IQCJ: variants seen among roughly 807,000 people sequenced by gnomAD.
IQCJ encodes the protein IQ domain-containing protein J.
Under a neutral mutation model 11.0 loss-of-function variants are expected in IQCJ, and 9 were observed. The ratio of observed to expected loss-of-function variants is 0.82; its 90% CI spans 0.49 to 1.43. IQCJ has a LOEUF of 1.43. Ranked by LOEUF, IQCJ falls within the 40% of genes most tolerant of loss-of-function variation. The probability of loss-of-function intolerance (pLI) is 0.00; values close to 1 mark genes in which losing one functional copy is unlikely to be tolerated. For synonymous variants in IQCJ, 55 were observed against 51.3 expected, an observed-to-expected ratio of 1.07 and a Z score of -0.31; for missense variants, 146 against 133.2, an observed-to-expected ratio of 1.10 and a Z score of -0.47.
At chr3:159,228,659 C>T (rs1726004816) in intron 1 of IQCJ, among the ~76,000 whole-genome samples, 2 of 151,910 alleles carry the variant, frequency 1.3e-5, no homozygotes, top group Admixed American at 1.3e-4. Context: ...GGCGTAGTGG[C>T]GGGCGCCTGT....
intron 1 of IQCJ, among the ~76,000 whole-genome samples, chr3:159,208,572 G>T (rs1275412221): frequency 6.6e-6 from 1 of 152,172 alleles, no homozygotes; most frequent in African/African-American, 2.4e-5. Flanking sequence ...ATGGACTGAG[G>T]TCTACTCAAT....
chr3:159,086,528 A>T (rs1716787239), intron 1 of IQCJ, among the ~76,000 whole-genome samples: 2 of 152,210 alleles, frequency 1.3e-5, no homozygotes, highest in South Asian at 4.1e-4. Flanking sequence ...TTTTCACGAT[A>T]TTGATTCTTT....
At chr3:159,110,189 A>G (rs1298150919) in intron 1 of IQCJ, among the ~76,000 whole-genome samples, 2 of 152,298 alleles carry the variant, frequency 1.3e-5, no homozygotes, top group Non-Finnish European at 2.9e-5. Context: ...CTTAATAGCT[A>G]TAGGATCTTG....
At chr3:159,089,507 C>T (rs1327269925) in intron 1 of IQCJ, among the ~76,000 whole-genome samples, 2 of 151,952 alleles carry the variant, frequency 1.3e-5, no homozygotes, top group Non-Finnish European at 2.9e-5. Context: ...TAATATCCTG[C>T]AGAGTGTTTT....
intron 1 of IQCJ, among the ~76,000 whole-genome samples, chr3:159,201,635 T>TTG (rs1239241184): frequency 7.2e-6 from 1 of 138,036 alleles, no homozygotes; most frequent in East Asian, 2.1e-4. Context: ...TTCTTTTTTT[T>TTG]TTTTTTTTTT....
chr3:159,145,873 A>G (rs1720900796), intron 1 of IQCJ, among the ~76,000 whole-genome samples: 1 of 152,224 alleles, frequency 6.6e-6, no homozygotes, highest in African/African-American at 2.4e-5. Flanking sequence ...CAGAGTGATC[A>G]TAACCTGGAA....
rs147045061 is a variant in IQCJ at position 159,109,916 on chromosome 3, C to T, written c.9+40475C>T. Among the ~76,000 whole-genome samples the T allele has an allele frequency of 5.5e-3, 834 of 152,308 alleles. 6 individuals are homozygous for T. The highest frequency in any genetic ancestry group is 0.018 in the African/African-American group (753 of 41,556). Reference sequence around the variant, plus strand: ...CAAGGGTCACTAATACCTATATACACTAACGTGTGGTTTGCGTATGGAGCA... The same window carrying T: ...CAAGGGTCACTAATACCTATATACATTAACGTGTGGTTTGCGTATGGAGCA... On this transcript the variant is annotated intron_variant, in intron 1 of 3. Transcript: ENST00000397832.
At chr3:159,093,008 G>A (rs970738437) in intron 1 of IQCJ, among the ~76,000 whole-genome samples, 2 of 151,494 alleles carry the variant, frequency 1.3e-5, no homozygotes, top group Middle Eastern at 3.2e-3. Context: ...TATTTCTCAA[G>A]GTTATGATAG....
At chr3:159,236,617 T>G (rs1726608184) in intron 1 of IQCJ, among the ~76,000 whole-genome samples, 1 of 152,174 alleles carries the variant, frequency 6.6e-6, no homozygotes. Flanking sequence ...CTCCCAGTTG[T>G]CACCAGGGAG....
chr3:159,184,003 G>A (rs539032000), intron 1 of IQCJ, among the ~76,000 whole-genome samples: 14 of 151,244 alleles, frequency 9.3e-5, no homozygotes, highest in Middle Eastern at 3.4e-3. Flanking sequence ...CCACGCAGCA[G>A]CCAGAGATCT....
intron 1 of IQCJ, among the ~76,000 whole-genome samples, chr3:159,163,666 C>T (rs1487602173): frequency 6.6e-6 from 1 of 152,130 alleles, no homozygotes; most frequent in Admixed American, 6.6e-5. Context: ...TGCCCAGCCT[C>T]ATTTTTCATG....
At chr3:159,200,772 G>A (rs2108065403) in intron 1 of IQCJ, among the ~76,000 whole-genome samples, 1 of 152,278 alleles carries the variant, frequency 6.6e-6, no homozygotes, top group East Asian at 1.9e-4. Flanking sequence ...CCCTGGCATA[G>A]CAAGACTACA....
At chr3:159,157,231 C>A (rs1721573111) in intron 1 of IQCJ, among the ~76,000 whole-genome samples, 1 of 152,186 alleles carries the variant, frequency 6.6e-6, no homozygotes, top group South Asian at 2.1e-4. Context: ...GCATTCATCA[C>A]ACATCTTTGA....
chr3:159,204,187 T>C (rs1410037867), intron 1 of IQCJ, among the ~76,000 whole-genome samples: 1 of 152,254 alleles, frequency 6.6e-6, no homozygotes, highest in Non-Finnish European at 1.5e-5. Flanking sequence ...CTGTTTAATT[T>C]TATCTCACAG....
intron 1 of IQCJ, among the ~76,000 whole-genome samples, chr3:159,102,169 A>G (rs1490103203): frequency 1.3e-5 from 2 of 152,248 alleles, no homozygotes; most frequent in Non-Finnish European, 2.9e-5. Context: ...TGTCAGGCTA[A>G]TAAGATAATC....
intron 3 of IQCJ, among the ~76,000 whole-genome samples, chr3:159,253,508 C>T (rs1447323320): frequency 1.3e-5 from 2 of 151,850 alleles, no homozygotes; most frequent in Non-Finnish European, 2.9e-5. Flanking sequence ...TATTTATGAC[C>T]GTTTTCCGAG....
At chr3:159,080,147 C>T (rs1434242102) in intron 1 of IQCJ, among the ~76,000 whole-genome samples, 2 of 152,054 alleles carry the variant, frequency 1.3e-5, no homozygotes, top group Non-Finnish European at 1.5e-5. Flanking sequence ...CACAATATAT[C>T]TTAAGACAGT....
chr3:159,265,210 A>T (rs750215651), downstream of IQCJ: 1 of 1,612,682 alleles, frequency 6.2e-7, no homozygotes, highest in South Asian at 1.1e-5. Flanking sequence ...TGCTGTGATC[A>T]TCAGTTTGCC....
rs527594882 is a variant in IQCJ at position 159,242,482 on chromosome 3, T to A, written c.10-3361T>A. The stretch of plus-strand genomic sequence containing the variant: ...GTGGTTTTCCTCCTTATAGGCACAA[T>A]GGCTTTTGCACCCTGGATTTCACTA... On this transcript the variant is annotated intron_variant, in intron 1 of 3. Coordinates refer to ENST00000397832, the MANE Select transcript of IQCJ (RefSeq NM_001042706.3). Among the ~76,000 whole-genome samples, 5 of 152,098 alleles carry A rather than the reference T, an allele frequency of 3.3e-5. No individual in the cohort carries two copies. The South Asian group carries it at 1.0e-3, about 32-fold the overall frequency.
Sources: allele counts gnomAD v4.1 joint callset (sites outside exome capture counted in the v4.1 genomes callset), GRCh38; gene constraint gnomAD v4.1.1; transcripts MANE v1.5; gene names NCBI Gene and HGNC (gene_info 2026-07-23, HGNC 2026-07-21).